DNAH8: variants seen among roughly 807,000 people sequenced by gnomAD.
DNAH8 encodes the protein dynein axonemal heavy chain 8.
Under a neutral mutation model 562.1 loss-of-function variants are expected in DNAH8, and 382 were observed. The ratio of observed to expected loss-of-function variants is 0.68; its 90% CI spans 0.63 to 0.74. DNAH8 has a LOEUF of 0.74. Among genes scored for constraint, DNAH8 ranks in the 30% least tolerant of loss-of-function variants. The pLI, the probability that DNAH8 is intolerant of heterozygous loss-of-function variation, is 0.00. For synonymous variants in DNAH8, 1,881 were observed against 1,919.4 expected, an observed-to-expected ratio of 0.98 and a Z score of 0.52; for missense variants, 5,203 against 5,620.4, an observed-to-expected ratio of 0.93 and a Z score of 2.37.
intron 41 of DNAH8, among the ~76,000 whole-genome samples, chr6:38,856,116 T>A (rs1300258622): frequency 2.6e-5 from 4 of 152,206 alleles, no homozygotes; most frequent in African/African-American, 9.7e-5. Flanking sequence ...CCTCTTCTCC[T>A]TACCCTTCCC....
intron 1 of DNAH8, among the ~76,000 whole-genome samples, chr6:38,717,734 T>C (rs1353045256): frequency 6.6e-6 from 1 of 152,122 alleles, no homozygotes; most frequent in Non-Finnish European, 1.5e-5. Context: ...AGAGTGATTC[T>C]TATTAATAAT....
At chr6:38,840,030 T>C (rs1774646916) in intron 33 of DNAH8, among the ~76,000 whole-genome samples, 1 of 152,228 alleles carries the variant, frequency 6.6e-6, no homozygotes, top group Non-Finnish European at 1.5e-5. Context: ...TATTCTGTAA[T>C]ATCCTAGTTT....
Position 38,906,402 on chromosome 6 carries a change from G to A in DNAH8, c.9343G>A (p.Gly3115Arg), listed in dbSNP as rs1384482098. 6.3e-7 allele frequency: 1 copy of A among 1,583,532 alleles called. No homozygotes were observed. The highest frequency in any genetic ancestry group is 8.6e-7 in the Non-Finnish European group (1 of 1,166,530). Residue 3115 changes from glycine to arginine, a missense_variant, in exon 63 of 93, where the codon GGG becomes AGG. By Grantham distance (125) the Gly-to-Arg change is moderately radical (BLOSUM62 -2). This residue lies in a region of DNAH8 where 977 missense variants were observed against 1,061.8 expected (regional missense o/e 0.92). Transcript: ENST00000327475. Reference protein sequence around the residue: ...LEYLNNLLSSGEISNLFARDE... With the variant: ...LEYLNNLLSSREISNLFARDE... ...ATACCTTAACAACTTGCTATCTTCA[G>A]GGGAGGTAAGTCTCAAAAGTAGAGA...
At chr6:38,923,863 CT>C in intron 72 of DNAH8, 127 bp from the exon 73 acceptor site, 1 of 1,072,878 alleles carries the variant, frequency 9.3e-7, no homozygotes, top group Non-Finnish European at 1.4e-6. Flanking sequence ...TTTTCCATGC[CT>C]GGCTACCAAG....
rs1362503833 is a variant in DNAH8, at chr6:38,826,092, A to G, written c.3848-64A>G. ...CTACTGAATTGGACAGAGCAATTAT[A>G]GATGCCCTTATAGTTTCAGAATGCC... is the stretch of plus-strand genomic sequence containing the variant. On this transcript the variant is annotated intron_variant, in intron 28 of 92. Transcript: ENST00000327475. The G allele has an allele frequency of 1.2e-5, 13 of 1,098,114 alleles. No homozygotes were observed. In the African/African-American group the frequency reaches 1.9e-4, roughly 16 times the overall value. 68.0% of individuals were successfully genotyped at this position (1,098,114 alleles called of 1,614,324 possible).
chr6:38,947,748 T>A (rs1008702612), intron 80 of DNAH8, among the ~76,000 whole-genome samples: 2 of 134,840 alleles, frequency 1.5e-5, no homozygotes, highest in African/African-American at 5.7e-5. Flanking sequence ...AGAAATCCTC[T>A]TCTTTTTTTT....
At chr6:38,736,713 G>GA (rs5875636) in intron 5 of DNAH8, among the ~76,000 whole-genome samples, 81 of 145,448 alleles carry the variant, frequency 5.6e-4, no homozygotes, top group East Asian at 1.0e-3. Context: ...CTTTTCACCA[G>GA]AAAAAAAAAA....
intron 18 of DNAH8, among the ~76,000 whole-genome samples, chr6:38,789,154 GAAATAA>G (rs1769458387): frequency 6.6e-6 from 1 of 152,134 alleles, no homozygotes. Flanking sequence ...GTGTCAAGTA[GAAATAA>G]AACTTCAACT....
At chr6:38,856,453 G>C (rs1776206544) in intron 41 of DNAH8, among the ~76,000 whole-genome samples, 1 of 152,058 alleles carries the variant, frequency 6.6e-6, no homozygotes, top group Non-Finnish European at 1.5e-5. Context: ...GGGTCTGCTG[G>C]TCTATTTGTC....
At chr6:39,006,199 C>T (rs949523379) in intron 88 of DNAH8, among the ~76,000 whole-genome samples, 2 of 152,216 alleles carry the variant, frequency 1.3e-5, no homozygotes, top group African/African-American at 4.8e-5. Flanking sequence ...ATATTTAGCA[C>T]CTACAGAACT....
intron 75 of DNAH8, among the ~76,000 whole-genome samples, chr6:38,930,264 A>G (rs888468369): frequency 2.2e-4 from 34 of 152,112 alleles, no homozygotes; most frequent in African/African-American, 7.7e-4. Context: ...AATTATTTTC[A>G]ATTTGTATAA....
At chr6:39,019,552 G>A (rs1045305691) in intron 91 of DNAH8, among the ~76,000 whole-genome samples, 25 of 152,176 alleles carry the variant, frequency 1.6e-4, no homozygotes, top group African/African-American at 5.1e-4. Flanking sequence ...CTGTGTGATG[G>A]TTTCTAGTTT....
In DNAH8 at chr6:38,727,080, A is replaced by G. The variant is rs367630279; in HGVS notation, c.526-2822A>G. ...ACCATCTTGGCCAGGCTGGTCTCGAACTCCTGACCTCAAGTGATCCACCAG... is the reference window on the plus strand; with the variant it reads ...ACCATCTTGGCCAGGCTGGTCTCGAGCTCCTGACCTCAAGTGATCCACCAG... On this transcript the variant is annotated intron_variant, in intron 3 of 92. Coordinates refer to ENST00000327475, the MANE Select transcript of DNAH8 (RefSeq NM_001206927.2). 1.4e-3 allele frequency among the ~76,000 whole-genome samples: 215 copies of G among 151,272 alleles called. 7 individuals are homozygous for G. The South Asian group carries it at 0.041, about 29-fold the overall frequency.
chr6:38,897,971 A>G (rs113501044), intron 60 of DNAH8, among the ~76,000 whole-genome samples: 1,934 of 152,308 alleles, frequency 0.013, 29 homozygotes, highest in South Asian at 0.04. Context: ...AGTAAAAACC[A>G]AGAAAAATAT....
rs1190884969 is a variant in DNAH8 at position 38,857,521 on chromosome 6, G to GGACT, written c.5738_5741dup (p.Leu1915ThrfsTer18). 38 of 1,603,712 alleles carry GGACT rather than the reference G, an allele frequency of 2.4e-5. No homozygotes were observed. Among genetic ancestry groups the GGACT allele is most frequent in the Non-Finnish European group, 3.0e-5 (35 of 1,173,026 alleles). The stretch of plus-strand genomic sequence containing the variant: ...TATTTTTCTGCTGGATCTGTAGGTT[G>GGACT]GACTTCTGGGAATTCAGATGTTGTG... On this transcript the variant is annotated frameshift_variant, in exon 42 of 93. Transcript: ENST00000327475. LOFTEE classifies it high-confidence loss of function.
intron 33 of DNAH8, among the ~76,000 whole-genome samples, chr6:38,841,296 G>A (rs543275490): frequency 6.6e-6 from 1 of 152,192 alleles, no homozygotes; most frequent in African/African-American, 2.4e-5. Context: ...GCATCTGCCT[G>A]TAATCTCAGC....
chr6:38,895,410 A>G (rs1349638290), intron 59 of DNAH8, among the ~76,000 whole-genome samples: 1 of 152,204 alleles, frequency 6.6e-6, no homozygotes, highest in Non-Finnish European at 1.5e-5. Flanking sequence ...AAATCACCAG[A>G]TCATCAGAGG....
chr6:38,989,490 C>A (rs950240381), intron 87 of DNAH8, among the ~76,000 whole-genome samples: 1 of 152,190 alleles, frequency 6.6e-6, no homozygotes, highest in African/African-American at 2.4e-5. Flanking sequence ...ACATAATTAG[C>A]AAAGGAAGCT....
intron 52 of DNAH8, among the ~76,000 whole-genome samples, chr6:38,874,714 T>C (rs1012390856): frequency 2.0e-5 from 3 of 152,114 alleles, no homozygotes; most frequent in African/African-American, 7.2e-5. Context: ...GTCTTTGAGT[T>C]AAAACAGAAT....
Sources: gnomAD v4.1 joint callset for allele counts (sites outside exome capture counted in the v4.1 genomes callset) on GRCh38, gnomAD v4.1.1 for gene constraint, gnomAD v4.1.1 regional missense constraint, MANE v1.5 for transcripts, NCBI Gene and HGNC (gene_info 2026-07-23, HGNC 2026-07-21) for gene names.